PDXK: variants seen among roughly 807,000 people sequenced by gnomAD.
PDXK encodes the protein pyridoxal kinase.
In PDXK, 15 loss-of-function variants were observed where a neutral mutation model predicts 43.2. The ratio of observed to expected loss-of-function variants is 0.35; its 90% CI spans 0.23 to 0.53. PDXK has a LOEUF of 0.53. PDXK is among the 20% of genes least tolerant of loss of function. The pLI is 0.92. For missense variants in PDXK, 343 were observed against 417.0 expected, an observed-to-expected ratio of 0.82 and a Z score of 1.54; for synonymous variants, 172 against 165.4, an observed-to-expected ratio of 1.04 and a Z score of -0.31.
chr21:43,750,423 T>G, intron 6 of PDXK, 77 bp from the exon 7 acceptor site: 15 of 1,299,706 alleles, frequency 1.2e-5, no homozygotes, highest in Non-Finnish European at 1.5e-5. Context: ...GCCGCTGCGG[T>G]TTGGGGAATG....
At chr21:43,746,806 T>G (rs1398034388) in intron 5 of PDXK, among the ~76,000 whole-genome samples, 1 of 152,194 alleles carries the variant, frequency 6.6e-6, no homozygotes, top group African/African-American at 2.4e-5. Flanking sequence ...AGTGTCATTC[T>G]TTTTTTGGCT....
Position 43,737,436 on chromosome 21 carries a change from C to T in PDXK, c.142+3313C>T. 4 of 1,088,632 alleles carry T rather than the reference C, an allele frequency of 3.7e-6. No homozygotes were observed. Among genetic ancestry groups the T allele is most frequent in the Non-Finnish European group, 4.5e-6 (4 of 891,198 alleles). 67.4% of individuals were successfully genotyped at this position (1,088,632 alleles called of 1,614,324 possible). ...CCTTGTGGCCAGTATTCCCAGTGGCCCCTTTGAGAGGATTTCCTGGAGCTC... is the reference window on the plus strand; with the variant it reads ...CCTTGTGGCCAGTATTCCCAGTGGCTCCTTTGAGAGGATTTCCTGGAGCTC... On this transcript the variant is annotated intron_variant, in intron 2 of 10. Transcript: ENST00000291565. The surrounding 1 kb of genome is among the most constrained non-coding windows in gnomAD (Gnocchi z 4.8).
chr21:43,719,743 G>A, intron 1 of PDXK: 2 of 985,478 alleles, frequency 2.0e-6, no homozygotes, highest in Non-Finnish European at 1.2e-6. Flanking sequence ...GCGAGGAAAT[G>A]TCGCAGAGCC....
At chr21:43,720,608 G>A (rs1490669827) in intron 1 of PDXK, among the ~76,000 whole-genome samples, 1 of 152,168 alleles carries the variant, frequency 6.6e-6, no homozygotes, top group African/African-American at 2.4e-5. Flanking sequence ...CCCTGCCTGG[G>A]ACAGTCAGGG....
intron 1 of PDXK, chr21:43,721,553 C>T (rs2083206420): frequency 6.6e-6 from 1 of 152,274 alleles, no homozygotes; most frequent in African/African-American, 2.4e-5. Context: ...GGGGGTCCCA[C>T]CTCAAAGCAG....
In PDXK at chr21:43,735,283, G is replaced by T. The variant is rs2083384149; in HGVS notation, c.142+1160G>T. Among the ~76,000 whole-genome samples the T allele has an allele frequency of 6.6e-6, 1 of 152,228 alleles. No individual in the cohort carries two copies. The highest frequency in any genetic ancestry group is 2.4e-5 in the African/African-American group (1 of 41,458). On this transcript the variant is annotated intron_variant, in intron 2 of 10. Transcript: ENST00000291565. The surrounding 1 kb of genome is among the most constrained non-coding windows in gnomAD (Gnocchi z 5.3). ...GATTTATTTTTCAGTGAGTGAGCTG[G>T]CCGGCTTGGACACTAAAGCAGGGTG...
At chr21:43,725,139 C>T (rs955407287) in intron 1 of PDXK, among the ~76,000 whole-genome samples, 2 of 151,842 alleles carry the variant, frequency 1.3e-5, no homozygotes, top group African/African-American at 2.4e-5. Context: ...CTGGCTAACA[C>T]GGTAAAACCC....
In PDXK at chr21:43,737,281, A is replaced by G; in HGVS notation, c.142+3158A>G. 1.1e-5 allele frequency: 15 copies of G among 1,409,166 alleles called. No homozygotes were observed. The highest frequency in any genetic ancestry group is 1.4e-5 in the Non-Finnish European group (15 of 1,084,582). The allele number at this position is 1,409,166 out of a possible 1,614,324, so 87.3% of individuals were successfully genotyped here. ...AGTGCCTGCAGAGCCCACCTGGCGC[A>G]GGCCTCGCCGCCTCGAGGCTGCTGC... On this transcript the variant is annotated intron_variant, in intron 2 of 10. Coordinates refer to ENST00000291565, the MANE Select transcript of PDXK (RefSeq NM_003681.5). The surrounding 1 kb of genome is among the most constrained non-coding windows in gnomAD (Gnocchi z 4.8).
chr21:43,725,311 A>G (rs955562343), intron 1 of PDXK, among the ~76,000 whole-genome samples: 2 of 151,364 alleles, frequency 1.3e-5, no homozygotes, highest in Admixed American at 6.5e-5. Context: ...CGACAGAGCA[A>G]GACTCTCGTC....
At position 43,719,360 on chromosome 21, in the gene PDXK, G is replaced by A. The variant is rs1256513998; in HGVS notation, c.66G>A (p.Arg22=). 5 of 1,525,178 alleles carry A rather than the reference G, an allele frequency of 3.3e-6. No individual in the cohort carries two copies. The highest frequency in any genetic ancestry group is 5.4e-5 in the East Asian group (2 of 37,248). 94.5% of individuals were successfully genotyped at this position (1,525,178 alleles called of 1,614,324 possible). A position where few individuals can be genotyped will look rare whatever the true frequency, so the allele number is the denominator to read the frequency against. The change falls in exon 1 of 11, where the codon CGG becomes CGA. Residue 22 remains arginine, a synonymous_variant. Transcript: ENST00000291565. ...TCATCCGCGGCTACGTGGGCAACCG[G>A]GCGGCCACGTTCCCGCTGCAGGTAC... ...SHVIRGYVGN[R]AATFPLQVLG... is the part of the protein sequence containing the mutation.
chr21:43,729,782 A>G (rs2083294757), intron 1 of PDXK, among the ~76,000 whole-genome samples: 1 of 152,088 alleles, frequency 6.6e-6, no homozygotes, highest in Non-Finnish European at 1.5e-5. Flanking sequence ...CACAAAAAAT[A>G]AAACATAAAA....
At chr21:43,755,146 G>A (rs979493083) in intron 9 of PDXK, among the ~76,000 whole-genome samples, 8 of 152,176 alleles carry the variant, frequency 5.3e-5, no homozygotes, top group Non-Finnish European at 7.3e-5. Context: ...GTCGGGGAGC[G>A]AGTTCCCCGT....
intron 1 of PDXK, among the ~76,000 whole-genome samples, chr21:43,720,176 A>C (rs1401956657): frequency 6.6e-6 from 1 of 152,206 alleles, no homozygotes; most frequent in Non-Finnish European, 1.5e-5. Context: ...GGTGTCACGC[A>C]GGGCCGAGGC....
Position 43,732,136 on chromosome 21 carries a change from C to A in PDXK, c.88-1933C>A. On this transcript the variant is annotated intron_variant, in intron 1 of 10. Coordinates refer to ENST00000291565, the MANE Select transcript of PDXK (RefSeq NM_003681.5). The surrounding 1 kb of genome is among the most constrained non-coding windows in gnomAD (Gnocchi z 4.1). Reference sequence around the variant, plus strand: ...TGCTGACAGAAGCCCATTCTCTTCGCAGGCTTCAGTTTCACATTCTTGGTA... The same window carrying A: ...TGCTGACAGAAGCCCATTCTCTTCGAAGGCTTCAGTTTCACATTCTTGGTA... 7.3e-7 allele frequency: 1 copy of A among 1,361,334 alleles called. No homozygotes were observed. The highest frequency in any genetic ancestry group is 9.5e-7 in the Non-Finnish European group (1 of 1,057,856). The allele number at this position is 1,361,334 out of a possible 1,614,324, so 84.3% of individuals were successfully genotyped here. A position where few individuals can be genotyped will look rare whatever the true frequency, so the allele number is the denominator to read the frequency against.
At chr21:43,750,402 G>A (rs890729969) in intron 6 of PDXK, 98 bp from the exon 7 acceptor site, 2 of 1,072,598 alleles carry the variant, frequency 1.9e-6, no homozygotes, top group Non-Finnish European at 2.8e-6. Context: ...GTGGGGATGG[G>A]GATTTCCAGA....
Position 43,738,004 on chromosome 21 carries a change from G to T in PDXK, c.143-3663G>T, listed in dbSNP as rs551151152. 18 of 985,454 alleles carry T rather than the reference G, an allele frequency of 1.8e-5. No homozygotes were observed. The East Asian group carries it at 2.0e-3, about 112-fold the overall frequency. 61.0% of individuals were successfully genotyped at this position (985,454 alleles called of 1,614,324 possible). ...CGATAGGAAGCTGGGCCTCAGAGGGGCCTGGGGCCTGTGTCTGAGACCCGG... is the reference window on the plus strand; with the variant it reads ...CGATAGGAAGCTGGGCCTCAGAGGGTCCTGGGGCCTGTGTCTGAGACCCGG... On this transcript the variant is annotated intron_variant, in intron 2 of 10. Transcript: ENST00000291565.
At chr21:43,753,384 G>A (rs1315922938) in intron 8 of PDXK, among the ~76,000 whole-genome samples, 199 bp from the exon 9 acceptor site, 1 of 152,124 alleles carries the variant, frequency 6.6e-6, no homozygotes, top group Non-Finnish European at 1.5e-5. Flanking sequence ...GCCCTCTGAG[G>A]GTGCAGTCTT....
rs948960793 is a variant in PDXK, at chr21:43,754,275, C to T, written c.759+556C>T. ...GCCTGCTTTTCAAGTTTGTAGAGAT[C>T]GGGTGGCTTTGCTTAGACAGTGGGG... On this transcript the variant is annotated intron_variant, in intron 9 of 10. Coordinates refer to ENST00000291565, the MANE Select transcript of PDXK (RefSeq NM_003681.5). The surrounding 1 kb of genome is among the most constrained non-coding windows in gnomAD (Gnocchi z 5.5). 2.0e-5 allele frequency among the ~76,000 whole-genome samples: 3 copies of T among 152,100 alleles called. No individual in the cohort carries two copies. Among genetic ancestry groups the T allele is most frequent in the African/African-American group, 4.8e-5 (2 of 41,410 alleles).
intron 2 of PDXK, among the ~76,000 whole-genome samples, chr21:43,740,831 A>G (rs1201700880): frequency 6.6e-6 from 1 of 151,396 alleles, no homozygotes; most frequent in Admixed American, 6.6e-5. Context: ...CACCTTAATA[A>G]GCTTGTTGGG....
Sources: allele counts gnomAD v4.1 joint callset (sites outside exome capture counted in the v4.1 genomes callset), GRCh38; gene constraint gnomAD v4.1.1; non-coding constraint Gnocchi (gnomAD v3.1); transcripts MANE v1.5; gene names NCBI Gene and HGNC (gene_info 2026-07-23, HGNC 2026-07-21).